DOCK5: variants seen among roughly 807,000 people sequenced by gnomAD.
DOCK5 encodes the protein dedicator of cytokinesis protein 5.
In DOCK5, 142 loss-of-function variants were observed where a neutral mutation model predicts 251.8. The observed-to-expected ratio is 0.56, with a 90% CI of 0.49 to 0.65. The LOEUF is 0.65. DOCK5 is among the 30% of genes least tolerant of loss of function. The probability of loss-of-function intolerance (pLI) is 0.00; values close to 1 mark genes in which losing one functional copy is unlikely to be tolerated. For missense variants in DOCK5, 2,111 were observed against 2,312.3 expected (o/e 0.91, Z 1.79); for synonymous variants, 842 against 835.5 (o/e 1.01, Z -0.13).
At chr8:25,219,107 G>A (rs548875438) in intron 1 of DOCK5, among the ~76,000 whole-genome samples, 120 of 152,258 alleles carry the variant, frequency 7.9e-4, no homozygotes, top group African/African-American at 2.9e-3. Context: ...TGGTAGACGA[G>A]TATCTGCTCT....
At chr8:25,379,847 C>G in intron 38 of DOCK5, among the ~76,000 whole-genome samples, 1 of 36,340 alleles carries the variant, frequency 2.8e-5, no homozygotes, top group African/African-American at 8.7e-5. Context: ...CATCACTACA[C>G]CTACACACAC....
Position 25,342,438 on chromosome 8 carries a change from A to G in DOCK5, c.2548A>G (p.Asn850Asp). The G allele has an allele frequency of 6.2e-7, 1 of 1,601,376 alleles. No individual in the cohort carries two copies. The highest frequency in any genetic ancestry group is 8.5e-7 in the Non-Finnish European group (1 of 1,172,996). ...CAAATTCATTCAAAGCATTCCTGAC[A>G]ACCAGCTGGTTCGGCAGAAACTTAA... Reference protein sequence around the residue: ...FCKFIQSIPDNQLVRQKLNCM... With the variant: ...FCKFIQSIPDDQLVRQKLNCM... The change falls in exon 25 of 52, where the codon AAC (asparagine) becomes GAC (aspartate). Residue 850 changes from asparagine to aspartate, a missense_variant. Transcript: ENST00000276440.
intron 28 of DOCK5, among the ~76,000 whole-genome samples, chr8:25,361,806 A>C (rs1314068630): frequency 6.6e-6 from 1 of 152,132 alleles, no homozygotes; most frequent in Non-Finnish European, 1.5e-5. Context: ...TCCAAAGTAT[A>C]GGAAGTTACC....
At chr8:25,396,479 A>C (rs1801347457) in intron 45 of DOCK5, among the ~76,000 whole-genome samples, 1 of 152,140 alleles carries the variant, frequency 6.6e-6, no homozygotes, top group South Asian at 2.1e-4. Context: ...TGAGACATGA[A>C]AGCAGTACTT....
In DOCK5 at chr8:25,408,327, A is replaced by T. The variant is rs147609555; in HGVS notation, c.5265+173A>T. On this transcript the variant is annotated intron_variant, in intron 49 of 51. Transcript: ENST00000276440. ...TTGTGGTAAGGAAAGCACATACCTC[A>T]TGAGAAGTTCGAGTCTATAAATCAA... Among the ~76,000 whole-genome samples, 405 of 152,290 alleles carry T rather than the reference A, an allele frequency of 2.7e-3. 2 individuals carry two copies. The highest frequency in any genetic ancestry group is 9.4e-3 in the African/African-American group (392 of 41,562).
intron 16 of DOCK5, among the ~76,000 whole-genome samples, chr8:25,322,113 C>G (rs1290999277): frequency 6.6e-6 from 1 of 152,100 alleles, no homozygotes; most frequent in African/African-American, 2.4e-5. Flanking sequence ...AAAATGTAAC[C>G]CCTCCTTCCA....
rs763498227 is a variant in DOCK5, at chr8:25,374,742, A to G, written c.3816+88A>G. ...TATACATTTCATGATTTTGATGGGA[A>G]AGAACTTTATTCCAGGAATATCCTT... On this transcript the variant is annotated intron_variant, in intron 37 of 51. Coordinates refer to ENST00000276440, the MANE Select transcript of DOCK5 (RefSeq NM_024940.8). 5 of 1,609,950 alleles carry G rather than the reference A, an allele frequency of 3.1e-6. No homozygotes were observed. In the African/African-American group the frequency reaches 6.7e-5, roughly 21 times the overall value.
intron 30 of DOCK5, among the ~76,000 whole-genome samples, chr8:25,366,031 C>T (rs1324860169): frequency 6.6e-6 from 1 of 152,110 alleles, no homozygotes; most frequent in Admixed American, 6.5e-5. Context: ...GTGATCTTTT[C>T]AATAATGTTG....
intron 9 of DOCK5, 54 bp downstream of exon 9, chr8:25,300,711 C>A: frequency 6.7e-7 from 1 of 1,498,286 alleles, no homozygotes; most frequent in South Asian, 1.2e-5. Context: ...TGAGCATATT[C>A]ACATAATGAA....
intron 1 of DOCK5, among the ~76,000 whole-genome samples, chr8:25,232,431 T>C (rs1342993271): frequency 1.3e-5 from 2 of 152,240 alleles, no homozygotes; most frequent in African/African-American, 4.8e-5. Context: ...TTTGGGATAC[T>C]ATAACAAAGT....
At chr8:25,324,646 C>T (rs1321601585) in intron 17 of DOCK5, among the ~76,000 whole-genome samples, 1 of 152,124 alleles carries the variant, frequency 6.6e-6, no homozygotes, top group African/African-American at 2.4e-5. Context: ...TATAATTGTC[C>T]CCATTTTTTA....
chr8:25,302,553 C>A lies in DOCK5; in HGVS notation c.976+99C>A. ...ATTAAACATGGAACTAGCAAATGATCCAGCTGCCCTGCTTCAAAACAATCA... is the reference window on the plus strand; with the variant it reads ...ATTAAACATGGAACTAGCAAATGATACAGCTGCCCTGCTTCAAAACAATCA... On this transcript the variant is annotated intron_variant, in intron 10 of 51. Transcript: ENST00000276440. 5.1e-6 allele frequency: 7 copies of A among 1,382,908 alleles called. No homozygotes were observed. The East Asian group carries it at 1.8e-4, about 36-fold the overall frequency. 85.7% of individuals were successfully genotyped at this position (1,382,908 alleles called of 1,614,324 possible).
chr8:25,278,554 T>C lies in DOCK5; in HGVS notation c.225-15T>C. 6.2e-7 allele frequency: 1 copy of C among 1,613,158 alleles called. No homozygotes were observed. The highest frequency in any genetic ancestry group is 8.5e-7 in the Non-Finnish European group (1 of 1,179,288). On this transcript the variant is annotated splice_polypyrimidine_tract_variant and intron_variant, in intron 4 of 51. Transcript: ENST00000276440. ...TCAGCCTAGAAGAAAGTGACCCTCG[T>C]TTGGTTCTTTGTAGGCAGCATGAAA...
At chr8:25,337,639 G>A (rs998080837) in intron 22 of DOCK5, among the ~76,000 whole-genome samples, 3 of 147,444 alleles carry the variant, frequency 2.0e-5, no homozygotes, top group Non-Finnish European at 4.5e-5. Context: ...AGGCTGGAGT[G>A]CAGTGGTGTA....
intron 25 of DOCK5, among the ~76,000 whole-genome samples, chr8:25,343,815 T>C (rs141189737): frequency 4.9e-4 from 74 of 152,226 alleles, no homozygotes; most frequent in African/African-American, 1.6e-3. Context: ...TTTTGTTTTG[T>C]TTTGTTTTGA....
At chr8:25,297,686 G>A (rs2117160614) in intron 7 of DOCK5, among the ~76,000 whole-genome samples, 1 of 152,204 alleles carries the variant, frequency 6.6e-6, no homozygotes, top group East Asian at 1.9e-4. Context: ...ACTGCACCCA[G>A]GCTAAAATAA....
intron 1 of DOCK5, among the ~76,000 whole-genome samples, chr8:25,198,366 T>C (rs1431908309): frequency 2.0e-5 from 3 of 149,440 alleles, no homozygotes; most frequent in Admixed American, 2.0e-4. Context: ...AGATCAGGAG[T>C]TTCAAGACCA....
chr8:25,387,380 A>G (rs1208470459), intron 40 of DOCK5, among the ~76,000 whole-genome samples: 2 of 152,112 alleles, frequency 1.3e-5, no homozygotes, highest in East Asian at 1.9e-4. Flanking sequence ...GGGTCTCACT[A>G]TCTTGCCCAG....
chr8:25,325,169 C>G (rs1458505157), intron 17 of DOCK5, among the ~76,000 whole-genome samples, 195 bp from the exon 18 acceptor site: 1 of 152,104 alleles, frequency 6.6e-6, no homozygotes, highest in East Asian at 1.9e-4. Context: ...TATTCTGTTT[C>G]CATTCAATCA....
Sources: allele counts gnomAD v4.1 joint callset (sites outside exome capture counted in the v4.1 genomes callset), GRCh38; gene constraint gnomAD v4.1.1; transcripts MANE v1.5; gene names NCBI Gene and HGNC (gene_info 2026-07-23, HGNC 2026-07-21).